The following ADAMTS16 variants were observed in gnomAD, a reference collection of about 807,000 sequenced individuals.
ADAMTS16 encodes the protein A disintegrin and metalloproteinase with thrombospondin motifs 16.
ADAMTS16 carries 94 observed loss-of-function variants against 145.8 expected under a neutral mutation model. That is an observed-to-expected ratio of 0.64 (90% CI 0.55 to 0.77). The LOEUF (loss-of-function observed/expected upper bound fraction) is 0.77, where lower values mean the gene tolerates loss of function less well. Among genes scored for constraint, ADAMTS16 ranks in the 30% least tolerant of loss-of-function variants. ADAMTS16 has a pLI of 0.00. For synonymous variants in ADAMTS16, 659 were observed against 604.3 expected (o/e 1.09, Z -1.33); for missense variants, 1,585 against 1,591.5 (o/e 1.00, Z 0.07).
At chr5:5,192,014 C>G (rs939868021) in intron 8 of ADAMTS16, among the ~76,000 whole-genome samples, 2 of 152,110 alleles carry the variant, frequency 1.3e-5, no homozygotes, top group African/African-American at 4.8e-5. Context: ...GAGACAGGCT[C>G]ACTCTGTCAA....
chr5:5,208,784 T>A lies in ADAMTS16; in HGVS notation c.1452-309T>A, dbSNP rs567335506. On this transcript the variant is annotated intron_variant, in intron 9 of 22. Transcript: ENST00000274181. ...AAAAGATGTCCATCATAAGAGCTTC[T>A]CATGTTGAACACTGGTTGTAATTAT... Among the ~76,000 whole-genome samples the A allele has an allele frequency of 2.7e-3, 413 of 152,310 alleles. 1 individual carries two copies. The highest frequency in any genetic ancestry group is 9.6e-3 in the African/African-American group (398 of 41,566).
intron 3 of ADAMTS16, among the ~76,000 whole-genome samples, chr5:5,174,061 T>A (rs1735122437): frequency 6.6e-6 from 1 of 152,218 alleles, no homozygotes; most frequent in Non-Finnish European, 1.5e-5. Context: ...TTCACATGAT[T>A]TTTCTATTGC....
intron 18 of ADAMTS16, among the ~76,000 whole-genome samples, chr5:5,280,540 TC>T (rs1738862766): frequency 6.6e-6 from 1 of 152,198 alleles, no homozygotes; most frequent in South Asian, 2.1e-4. Flanking sequence ...TCTTGGAATT[TC>T]CCGTTTAAAC....
intron 3 of ADAMTS16, among the ~76,000 whole-genome samples, chr5:5,157,777 G>T (rs183078639): frequency 1.3e-5 from 2 of 152,280 alleles, no homozygotes; most frequent in East Asian, 3.9e-4. Context: ...CCTTCAATGT[G>T]TTAAACCCCT....
chr5:5,232,789 G>C (rs1736974244), intron 12 of ADAMTS16, among the ~76,000 whole-genome samples: 1 of 151,736 alleles, frequency 6.6e-6, no homozygotes, highest in African/African-American at 2.4e-5. Context: ...TTCTAGTAGA[G>C]ACACGGTTTT....
intron 3 of ADAMTS16, among the ~76,000 whole-genome samples, chr5:5,146,733 C>T (rs1734309458): frequency 6.6e-6 from 1 of 152,126 alleles, no homozygotes; most frequent in Non-Finnish European, 1.5e-5. Flanking sequence ...AACCGCTGGC[C>T]AAATCTGAAT....
intron 3 of ADAMTS16, among the ~76,000 whole-genome samples, chr5:5,164,540 G>T (rs1267477212): frequency 2.0e-5 from 3 of 152,226 alleles, no homozygotes; most frequent in Non-Finnish European, 4.4e-5. Context: ...CTCTCTGAAT[G>T]ACAACAGCAC....
chr5:5,187,805 A>T lies in ADAMTS16; in HGVS notation c.1044A>T (p.Glu348Asp). The T allele has an allele frequency of 1.3e-6, 2 of 1,588,166 alleles. No homozygotes were observed. The highest frequency in any genetic ancestry group is 1.7e-6 in the Non-Finnish European group (2 of 1,156,754). Residue 348 changes from glutamate (E) to aspartate (D), a missense_variant, in exon 6 of 23, where the codon GAA becomes GAT. Transcript: ENST00000274181. Reference protein sequence around the residue: ...AIVGLILLEDEQPGLVISHHA... With the variant: ...AIVGLILLEDDQPGLVISHHA... Reference sequence around the variant, plus strand: ...TAGGTCTGATTCTTCTAGAAGATGAACAGGTAGTTTATCTTTGAAACTATC... The same window carrying T: ...TAGGTCTGATTCTTCTAGAAGATGATCAGGTAGTTTATCTTTGAAACTATC...
chr5:5,227,588 A>G (rs1054556039), intron 11 of ADAMTS16, among the ~76,000 whole-genome samples: 1 of 151,792 alleles, frequency 6.6e-6, no homozygotes, highest in South Asian at 2.1e-4. Context: ...TCCTTAGCAG[A>G]AGATACAGTG....
intron 3 of ADAMTS16, among the ~76,000 whole-genome samples, chr5:5,150,825 A>G (rs1235994683): frequency 6.6e-6 from 1 of 152,230 alleles, no homozygotes. Context: ...TCAATATGTC[A>G]TCCTACTGCT....
intron 9 of ADAMTS16, 64 bp from the exon 10 acceptor site, chr5:5,209,029 T>C (rs1340199177): frequency 2.6e-6 from 4 of 1,515,082 alleles, no homozygotes; most frequent in African/African-American, 2.8e-5. Flanking sequence ...AAGGCATAAT[T>C]AGTTGTAAGT....
intron 3 of ADAMTS16, among the ~76,000 whole-genome samples, chr5:5,147,619 G>C (rs975986318): frequency 6.6e-6 from 1 of 152,216 alleles, no homozygotes; most frequent in African/African-American, 2.4e-5. Flanking sequence ...GCCAGGGATA[G>C]GGTGGTGGTT....
intron 17 of ADAMTS16, among the ~76,000 whole-genome samples, 190 bp from the exon 18 acceptor site, chr5:5,262,467 A>C (rs939102450): frequency 2.0e-5 from 3 of 152,270 alleles, no homozygotes; most frequent in African/African-American, 7.2e-5. Context: ...AATGAATGAA[A>C]TTCACGAATT....
At chr5:5,165,355 A>T (rs1439063230) in intron 3 of ADAMTS16, among the ~76,000 whole-genome samples, 2 of 152,040 alleles carry the variant, frequency 1.3e-5, no homozygotes, top group Non-Finnish European at 2.9e-5. Context: ...GGACATTTGG[A>T]TTGACCGAGC....
intron 10 of ADAMTS16, among the ~76,000 whole-genome samples, chr5:5,212,208 T>G (rs1392842837): frequency 9.5e-6 from 1 of 105,584 alleles, no homozygotes; most frequent in Non-Finnish European, 2.2e-5. Context: ...TGTTTTGTTT[T>G]GTTTTGTTTT....
intron 4 of ADAMTS16, among the ~76,000 whole-genome samples, chr5:5,184,068 C>T (rs1251175764): frequency 6.6e-6 from 1 of 152,156 alleles, no homozygotes; most frequent in Admixed American, 6.5e-5. Flanking sequence ...CCTCGAGTGG[C>T]CAGGGGCCAT....
chr5:5,209,316 T>C, intron 10 of ADAMTS16, 70 bp downstream of exon 10: 1 of 1,559,808 alleles, frequency 6.4e-7, no homozygotes, highest in Non-Finnish European at 8.7e-7. Context: ...GTAACTGATG[T>C]TGATATATTC....
At chr5:5,304,521 G>T (rs1349201080) in intron 20 of ADAMTS16, among the ~76,000 whole-genome samples, 2 of 152,062 alleles carry the variant, frequency 1.3e-5, no homozygotes, top group African/African-American at 4.8e-5. Flanking sequence ...CTGTGCCTCT[G>T]CATTGCCACA....
chr5:5,309,110 A>G lies in ADAMTS16; in HGVS notation c.3411+2382A>G, dbSNP rs534366948. 5.3e-5 allele frequency among the ~76,000 whole-genome samples: 8 copies of G among 152,350 alleles called. No homozygotes were observed. The South Asian group carries it at 1.7e-3, about 32-fold the overall frequency. On this transcript the variant is annotated intron_variant, in intron 21 of 22. Transcript: ENST00000274181. ...GCACTCACACACACATGCATAAACC[A>G]CATATACAGTCATCCCTCTCTACGG...
Sources: allele counts gnomAD v4.1 joint callset (sites outside exome capture counted in the v4.1 genomes callset), GRCh38; gene constraint gnomAD v4.1.1; transcripts MANE v1.5; gene names NCBI Gene and HGNC (gene_info 2026-07-23, HGNC 2026-07-21).